The following ADAMTS3 variants were observed in gnomAD, a reference collection of about 807,000 sequenced individuals.
The protein encoded by ADAMTS3 is ADAM metallopeptidase with thrombospondin type 1 motif 3.
A neutral mutation model predicts 129.0 loss-of-function variants in ADAMTS3; 73 were observed. The observed-to-expected ratio is 0.57, with a 90% CI of 0.47 to 0.69. The LOEUF (loss-of-function observed/expected upper bound fraction) is 0.69. Ranked by LOEUF, ADAMTS3 falls within the 30% of genes least tolerant of loss-of-function variation. The pLI, the probability that ADAMTS3 is intolerant of heterozygous loss-of-function variation, is 0.00. For synonymous variants in ADAMTS3, 477 were observed against 510.8 expected (o/e 0.93, Z 0.89); for missense variants, 1,457 against 1,514.5 (o/e 0.96, Z 0.63).
In ADAMTS3 at chr4:72,282,103, T is replaced by G. The variant is rs1056907836; in HGVS notation, c.*1033A>C. 2.0e-5 allele frequency: 3 copies of G among 152,212 alleles called. No homozygotes were observed. Among genetic ancestry groups the G allele is most frequent in the African/African-American group, 7.2e-5 (3 of 41,454 alleles). 9.4% of individuals were successfully genotyped at this position (152,212 alleles called of 1,614,324 possible). ...ATCAATTCTAGACTGATGATATTTT[T>G]CTCAGCTACCAACATACAAATAAGT... On this transcript the variant is annotated 3_prime_UTR_variant, in exon 22 of 22. Transcript: ENST00000286657.
chr4:72,309,591 T>G, intron 14 of ADAMTS3, 71 bp from the exon 15 acceptor site: 3 of 1,558,596 alleles, frequency 1.9e-6, no homozygotes, highest in Non-Finnish European at 2.6e-6. Flanking sequence ...CAGAGAATGA[T>G]GAACCCTTTG....
intron 3 of ADAMTS3, among the ~76,000 whole-genome samples, chr4:72,449,059 A>C (rs1454296083): frequency 6.6e-6 from 1 of 151,558 alleles, no homozygotes; most frequent in East Asian, 2.0e-4. Flanking sequence ...CTAGAAAATC[A>C]TACTCTCCTT....
At chr4:72,548,219 CA>C (rs916958685) in intron 3 of ADAMTS3, among the ~76,000 whole-genome samples, 18 of 149,862 alleles carry the variant, frequency 1.2e-4, no homozygotes, top group East Asian at 3.9e-4. Context: ...AAAACATTAA[CA>C]AAAAAAAATG....
At chr4:72,339,378 C>A in intron 5 of ADAMTS3, 116 bp downstream of exon 5, 1 of 851,878 alleles carries the variant, frequency 1.2e-6, no homozygotes, top group South Asian at 1.6e-5. Flanking sequence ...TTAATGCCAT[C>A]ATGCACATAT....
intron 3 of ADAMTS3, among the ~76,000 whole-genome samples, chr4:72,492,790 G>A (rs982549027): frequency 9.2e-5 from 14 of 151,680 alleles, no homozygotes; most frequent in Non-Finnish European, 5.9e-5. Flanking sequence ...ACCTATTCTT[G>A]TAAATATGGT....
At chr4:72,419,446 T>C (rs1722388771) in intron 3 of ADAMTS3, among the ~76,000 whole-genome samples, 1 of 152,106 alleles carries the variant, frequency 6.6e-6, no homozygotes, top group East Asian at 1.9e-4. Context: ...AGTATTGCTA[T>C]AGTGGGGATA....
intron 17 of ADAMTS3, among the ~76,000 whole-genome samples, chr4:72,303,228 TCTCTC>T (rs991234509): frequency 3.9e-5 from 6 of 152,026 alleles, no homozygotes; most frequent in African/African-American, 1.4e-4. Flanking sequence ...CCCTTGCCCT[TCTCTC>T]CTCTAGGTAG....
intron 3 of ADAMTS3, among the ~76,000 whole-genome samples, chr4:72,546,759 AGATTTTATG>A (rs150391751): frequency 0.011 from 1,750 of 152,226 alleles, 35 homozygotes; most frequent in African/African-American, 0.04. Context: ...CTCACAGGGG[AGATTTTATG>A]GTATTAGAGA....
intron 3 of ADAMTS3, among the ~76,000 whole-genome samples, chr4:72,506,521 A>C (rs1435899798): frequency 2.0e-5 from 3 of 152,190 alleles, no homozygotes. Context: ...CATGTCCATC[A>C]TGCCAGCTCA....
intron 4 of ADAMTS3, among the ~76,000 whole-genome samples, chr4:72,405,517 C>T (rs1337650575): frequency 6.6e-6 from 1 of 152,154 alleles, no homozygotes; most frequent in Non-Finnish European, 1.5e-5. Context: ...ACTTAGTTCT[C>T]ACACAGTACA....
Position 72,450,969 on chromosome 4 carries a change from AAGAAGAGAAGAGAAG to A in ADAMTS3, c.505-36013_505-35999del, listed in dbSNP as rs67162859. Among the ~76,000 whole-genome samples the A allele has an allele frequency of 9.1e-3, 1,274 of 140,142 alleles. 20 individuals are homozygous for A. The highest frequency in any genetic ancestry group is 0.029 in the African/African-American group (1,101 of 37,634). The allele number at this position is 140,142 out of a possible 152,430, so 91.9% of individuals were successfully genotyped here. ...GAAGGCAGGCAGGCAGGCAGGCAAA[AAGAAGAGAAGAGAAG>A]AGAAGAGAAGAGAAGAGAAGAGAAG... On this transcript the variant is annotated intron_variant, in intron 3 of 21. Transcript: ENST00000286657.
At chr4:72,311,025 T>C (rs1164313072) in intron 14 of ADAMTS3, 23 bp downstream of exon 14, 1 of 1,569,852 alleles carries the variant, frequency 6.4e-7, no homozygotes. Flanking sequence ...TAGAAAGCCT[T>C]TGGGGAAGCA....
chr4:72,513,376 T>C (rs1688153905), intron 3 of ADAMTS3, among the ~76,000 whole-genome samples: 1 of 152,168 alleles, frequency 6.6e-6, no homozygotes, highest in Admixed American at 6.5e-5. Context: ...CCCTTTTCAA[T>C]GACCACAGCT....
chr4:72,437,597 G>A (rs1205937817), intron 3 of ADAMTS3, among the ~76,000 whole-genome samples: 1 of 151,738 alleles, frequency 6.6e-6, no homozygotes, highest in East Asian at 2.0e-4. Flanking sequence ...CTTTGCGAGG[G>A]TTGTGTTGTC....
chr4:72,289,036 T>C (rs1232333711), intron 20 of ADAMTS3, among the ~76,000 whole-genome samples, 168 bp from the exon 21 acceptor site: 1 of 151,760 alleles, frequency 6.6e-6, no homozygotes, highest in Non-Finnish European at 1.5e-5. Flanking sequence ...AGACAGATAC[T>C]ACTGAGTTTA....
intron 3 of ADAMTS3, among the ~76,000 whole-genome samples, chr4:72,479,435 C>A (rs537331891): frequency 6.6e-6 from 1 of 152,218 alleles, no homozygotes; most frequent in East Asian, 1.9e-4. Context: ...CAAAAACAAG[C>A]AATGGGGAAA....
chr4:72,466,192 G>C (rs545985450), intron 3 of ADAMTS3, among the ~76,000 whole-genome samples: 2 of 152,162 alleles, frequency 1.3e-5, no homozygotes, highest in African/African-American at 4.8e-5. Flanking sequence ...ATCTCAGGAA[G>C]GTGAGCAGTC....
intron 2 of ADAMTS3, among the ~76,000 whole-genome samples, chr4:72,560,963 T>C (rs1488317828): frequency 6.6e-6 from 1 of 152,160 alleles, no homozygotes; most frequent in Non-Finnish European, 1.5e-5. Flanking sequence ...TTTAAACTAC[T>C]CAGTCAACAG....
At chr4:72,283,843 T>C (rs1477735676) in intron 21 of ADAMTS3, 139 bp from the exon 22 acceptor site, 2 of 645,560 alleles carry the variant, frequency 3.1e-6, no homozygotes, top group African/African-American at 3.7e-5. Context: ...CACGAGCTTT[T>C]GCATTAAAAA....
Sources: gnomAD v4.1 joint callset for allele counts (sites outside exome capture counted in the v4.1 genomes callset) on GRCh38, gnomAD v4.1.1 for gene constraint, MANE v1.5 for transcripts, NCBI Gene and HGNC (gene_info 2026-07-23, HGNC 2026-07-21) for gene names.